IGSF21: variants seen among roughly 807,000 people sequenced by gnomAD.
IGSF21 encodes the protein immunoglobin superfamily member 21, also known as immunoglobulin superfamily member 21.
IGSF21 carries 28 observed loss-of-function variants against 46.8 expected under a neutral mutation model. The ratio of observed to expected loss-of-function variants is 0.60; its 90% CI spans 0.44 to 0.82. IGSF21 has a LOEUF of 0.82. IGSF21 is among the 40% of genes least tolerant of loss of function. IGSF21 has a pLI of 0.00. For missense variants in IGSF21, 624 were observed against 665.5 expected (o/e 0.94, Z 0.69); for synonymous variants, 284 against 273.6 (o/e 1.04, Z -0.38).
At chr1:18,319,589 T>A (rs964785994) in intron 3 of IGSF21, among the ~76,000 whole-genome samples, 3 of 151,844 alleles carry the variant, frequency 2.0e-5, no homozygotes, top group Non-Finnish European at 4.4e-5. Flanking sequence ...GTTGTTCCTC[T>A]CATTAAGTTG....
intron 1 of IGSF21, among the ~76,000 whole-genome samples, chr1:18,141,838 G>A (rs1263725318): frequency 6.6e-6 from 1 of 152,078 alleles, no homozygotes; most frequent in Non-Finnish European, 1.5e-5. Flanking sequence ...GCAGGCCAAG[G>A]CGAGCCGATT....
At chr1:18,177,230 A>G (rs2086807992) in intron 1 of IGSF21, among the ~76,000 whole-genome samples, 1 of 146,108 alleles carries the variant, frequency 6.8e-6, no homozygotes, top group African/African-American at 2.5e-5. Context: ...AGAGTCAGTA[A>G]TAATCCAATA....
intron 1 of IGSF21, among the ~76,000 whole-genome samples, chr1:18,168,375 T>C (rs1477708931): frequency 6.6e-6 from 1 of 152,126 alleles, no homozygotes; most frequent in Non-Finnish European, 1.5e-5. Context: ...AACACACACA[T>C]TGTTGCATAA....
chr1:18,153,659 G>C (rs1319817156), intron 1 of IGSF21, among the ~76,000 whole-genome samples: 2 of 151,978 alleles, frequency 1.3e-5, no homozygotes, highest in African/African-American at 4.8e-5. Context: ...TCGCAAATGA[G>C]GCAACTGAGG....
chr1:18,252,921 T>C (rs967614889), intron 2 of IGSF21, among the ~76,000 whole-genome samples: 1 of 152,120 alleles, frequency 6.6e-6, no homozygotes, highest in Non-Finnish European at 1.5e-5. Flanking sequence ...CTACATGAGA[T>C]AGTGTAGGTA....
chr1:18,228,585 G>A (rs189843418), intron 2 of IGSF21, among the ~76,000 whole-genome samples: 128 of 152,292 alleles, frequency 8.4e-4, no homozygotes, highest in Admixed American at 5.6e-3. Flanking sequence ...AGCACAAGGG[G>A]CCTTTTCAAC....
At chr1:18,293,127 G>T (rs2085283063) in intron 3 of IGSF21, among the ~76,000 whole-genome samples, 1 of 152,196 alleles carries the variant, frequency 6.6e-6, no homozygotes, top group Non-Finnish European at 1.5e-5. Flanking sequence ...GTACTCTCCA[G>T]CACGGGCTGT....
At chr1:18,236,292 C>A (rs559596392) in intron 2 of IGSF21, among the ~76,000 whole-genome samples, 7 of 152,290 alleles carry the variant, frequency 4.6e-5, no homozygotes, top group African/African-American at 1.7e-4. Context: ...TGCACAAGAT[C>A]CTCTTGCCTG....
intron 1 of IGSF21, among the ~76,000 whole-genome samples, chr1:18,108,450 G>A (rs1248206363): frequency 3.9e-5 from 6 of 151,938 alleles, no homozygotes; most frequent in Admixed American, 3.9e-4. Flanking sequence ...GAGGGTGTCC[G>A]GGAAGGAGCT....
chr1:18,321,284 G>A (rs1379199655), intron 3 of IGSF21, among the ~76,000 whole-genome samples: 1 of 152,138 alleles, frequency 6.6e-6, no homozygotes, highest in Non-Finnish European at 1.5e-5. Flanking sequence ...ATGCCTCGAT[G>A]ACCCCAGAGC....
At chr1:18,127,175 G>A (rs1188657754) in intron 1 of IGSF21, among the ~76,000 whole-genome samples, 1 of 152,170 alleles carries the variant, frequency 6.6e-6, no homozygotes, top group Non-Finnish European at 1.5e-5. Flanking sequence ...CTGCAAAATG[G>A]GAGTTGGCCA....
intron 3 of IGSF21, among the ~76,000 whole-genome samples, chr1:18,319,112 C>A (rs2085573788): frequency 6.6e-6 from 1 of 152,216 alleles, no homozygotes; most frequent in African/African-American, 2.4e-5. Flanking sequence ...TCCCAGGTAG[C>A]CTGTCTAAAG....
At chr1:18,374,309 T>C (rs796708763) in intron 6 of IGSF21, among the ~76,000 whole-genome samples, 2 of 152,352 alleles carry the variant, frequency 1.3e-5, no homozygotes, top group African/African-American at 4.8e-5. Context: ...AATGAGATTA[T>C]GCATATGGCA....
chr1:18,354,372 G>A (rs2085992660), intron 4 of IGSF21, among the ~76,000 whole-genome samples: 2 of 151,914 alleles, frequency 1.3e-5, no homozygotes, highest in Non-Finnish European at 2.9e-5. Context: ...GGCTAGTGGA[G>A]ATGATGGGGA....
chr1:18,195,317 C>T (rs1335118912), intron 1 of IGSF21, among the ~76,000 whole-genome samples: 2 of 152,154 alleles, frequency 1.3e-5, no homozygotes, highest in Non-Finnish European at 1.5e-5. Flanking sequence ...ATGCCAGCCT[C>T]GGAACAGCAC....
At chr1:18,192,940 C>T (rs568048734) in intron 1 of IGSF21, among the ~76,000 whole-genome samples, 26 of 151,950 alleles carry the variant, frequency 1.7e-4, no homozygotes, top group Admixed American at 1.4e-3. Context: ...GCAGCCCTGG[C>T]GCTGAGGATC....
chr1:18,264,443 A>G (rs2084973198), intron 2 of IGSF21, among the ~76,000 whole-genome samples: 1 of 152,234 alleles, frequency 6.6e-6, no homozygotes, highest in Non-Finnish European at 1.5e-5. Context: ...TCAACAAGAT[A>G]GTCTGTGCCT....
At chr1:18,249,498 G>A (rs1324826501) in intron 2 of IGSF21, among the ~76,000 whole-genome samples, 1 of 152,126 alleles carries the variant, frequency 6.6e-6, no homozygotes, top group African/African-American at 2.4e-5. Flanking sequence ...TGTGGGAAGG[G>A]GCAGCTGTAC....
intron 8 of IGSF21, 112 bp downstream of exon 8, chr1:18,377,104 T>C (rs2124641700): frequency 1.7e-6 from 2 of 1,183,986 alleles, no homozygotes; most frequent in Non-Finnish European, 2.3e-6. Flanking sequence ...GGCCTAAATC[T>C]CCCAAATTTG....
Sources: allele counts gnomAD v4.1 joint callset (sites outside exome capture counted in the v4.1 genomes callset), GRCh38; gene constraint gnomAD v4.1.1; transcripts MANE v1.5; gene names NCBI Gene and HGNC (gene_info 2026-07-23, HGNC 2026-07-21).